Variants in CPOX observed in about 807,000 individuals in gnomAD.
CPOX encodes the protein oxygen-dependent coproporphyrinogen-III oxidase, mitochondrial.
Under a neutral mutation model 48.9 loss-of-function variants are expected in CPOX, and 24 were observed. The ratio of observed to expected loss-of-function variants is 0.49; its 90% CI spans 0.36 to 0.69. CPOX has a LOEUF of 0.69. Among genes scored for constraint, CPOX ranks in the 30% least tolerant of loss-of-function variants. The pLI, the probability that CPOX is intolerant of heterozygous loss-of-function variation, is 0.00. For synonymous variants in CPOX, 249 were observed against 234.6 expected, an observed-to-expected ratio of 1.06 and a Z score of -0.56; for missense variants, 549 against 597.3, an observed-to-expected ratio of 0.92 and a Z score of 0.84.
downstream of CPOX, among the ~76,000 whole-genome samples, chr3:98,577,975 G>A (rs1377297760): frequency 6.6e-6 from 1 of 152,212 alleles, no homozygotes; most frequent in Non-Finnish European, 1.5e-5. Context: ...CTGACTAGGA[G>A]GGTCAGCAGA....
chr3:98,584,214 G>A (rs1707314225), intron 5 of CPOX, among the ~76,000 whole-genome samples: 1 of 152,152 alleles, frequency 6.6e-6, no homozygotes, highest in South Asian at 2.1e-4. Flanking sequence ...GTTCTAAATT[G>A]TCCTCTTGGG....
chr3:98,580,240 C>A lies in CPOX; in HGVS notation c.*443G>T, dbSNP rs1269892298. Reference sequence around the variant, plus strand: ...AAGTAAAATTTTTACCTTCAAGTTGCATTCTAAAATTACTATGAAGTCTCA... The same window carrying A: ...AAGTAAAATTTTTACCTTCAAGTTGAATTCTAAAATTACTATGAAGTCTCA... On this transcript the variant is annotated 3_prime_UTR_variant, in exon 7 of 7. Coordinates refer to ENST00000647941, the MANE Select transcript of CPOX (RefSeq NM_000097.7). 2 of 992,538 alleles carry A rather than the reference C, an allele frequency of 2.0e-6. No individual in the cohort carries two copies. Among genetic ancestry groups the A allele is most frequent in the East Asian group, 2.2e-4 (2 of 9,110 alleles). The allele number at this position is 992,538 out of a possible 1,614,324, so 61.5% of individuals were successfully genotyped here.
intron 3 of CPOX, 111 bp from the exon 4 acceptor site, chr3:98,588,965 C>A: frequency 1.6e-6 from 2 of 1,269,378 alleles, no homozygotes; most frequent in East Asian, 2.5e-5. Flanking sequence ...AAATGGATGA[C>A]AATAAAAAAA....
In CPOX at chr3:98,593,149, T is replaced by C. The variant is rs1707514740; in HGVS notation, c.356A>G (p.Glu119Gly). 6.2e-7 allele frequency: 1 copy of C among 1,612,254 alleles called. No individual in the cohort carries two copies. The highest frequency in any genetic ancestry group is 1.1e-5 in the South Asian group (1 of 90,938). Residue 119 changes from glutamate (E) to glycine (G), a missense_variant, in exon 1 of 7, where the codon GAG becomes GGG. By Grantham distance (98) the Glu-to-Gly change is moderately conservative (BLOSUM62 -2). Coordinates refer to ENST00000647941, the MANE Select transcript of CPOX (RefSeq NM_000097.7). ...RATSLGRPEEEEDELAHRCSS... is the reference protein window; with the variant it reads ...RATSLGRPEEGEDELAHRCSS... ...GCAGCGGTGGGCCAGCTCATCCTCC[T>C]CCTCCTCCGGCCTCCCCAGCGAAGT...
In CPOX at chr3:98,593,354, G is replaced by A. The variant is rs1345695139; in HGVS notation, c.151C>T (p.Pro51Ser). The A allele has an allele frequency of 3.7e-6, 5 of 1,341,092 alleles. No individual in the cohort carries two copies. In the Admixed American group the frequency reaches 1.6e-4, roughly 44 times the overall value. 83.1% of individuals were successfully genotyped at this position (1,341,092 alleles called of 1,614,324 possible). ...CTCTGCTCCGTGCCAGCCGGGCCAG[G>A]GGGCCGGCAGACGCGTCCGGCTGCG... ...RSAAGRVCRPPGPAGTEQSRG... is the reference protein window; with the variant it reads ...RSAAGRVCRPSGPAGTEQSRG... Residue 51 changes from proline to serine, a missense_variant, in exon 1 of 7, where the codon CCT becomes TCT. Physicochemically the swap from Pro to Ser is moderately conservative, Grantham distance 74. Transcript: ENST00000647941.
At position 98,580,182 on chromosome 3, in the gene CPOX, A is replaced by G; in HGVS notation, c.*501T>C. On this transcript the variant is annotated 3_prime_UTR_variant, in exon 7 of 7. Transcript: ENST00000647941. ...TATTATGTTCTCTGGAGAAAGATAT[A>G]TAAGGATTACAGCAGAGACTTCAGT... is the stretch of plus-strand genomic sequence containing the variant. The G allele has an allele frequency of 1.0e-6, 1 of 986,636 alleles. No homozygotes were observed. The highest frequency in any genetic ancestry group is 1.2e-6 in the Non-Finnish European group (1 of 829,898). The allele number at this position is 986,636 out of a possible 1,614,324, so 61.1% of individuals were successfully genotyped here. A position where few individuals can be genotyped will look rare whatever the true frequency, so the allele number is the denominator to read the frequency against.
downstream of CPOX, chr3:98,579,378 G>C: frequency 2.0e-6 from 1 of 509,738 alleles, no homozygotes; most frequent in Non-Finnish European, 2.5e-6. Flanking sequence ...GTTGTTCAAG[G>C]ATCAACTGTA....
At chr3:98,585,911 C>T in intron 4 of CPOX, 1 of 402,852 alleles carries the variant, frequency 2.5e-6, no homozygotes, top group Admixed American at 3.5e-5. Context: ...CTTGCTCTGT[C>T]CCCCACGCTG....
chr3:98,591,229 T>C, intron 1 of CPOX, 74 bp from the exon 2 acceptor site: 1 of 1,534,824 alleles, frequency 6.5e-7, no homozygotes, highest in Non-Finnish European at 9.0e-7. Flanking sequence ...TGCATGAAGA[T>C]GGTTATTTTC....
rs979632400 is a variant in CPOX, at chr3:98,593,360, G to A, written c.145C>T (p.Arg49Trp). The A allele has an allele frequency of 1.5e-6, 2 of 1,339,986 alleles. No homozygotes were observed. Among genetic ancestry groups the A allele is most frequent in the Admixed American group, 4.1e-5 (1 of 24,342 alleles). The allele number at this position is 1,339,986 out of a possible 1,614,324, so 83.0% of individuals were successfully genotyped here. ...TCCGTGCCAGCCGGGCCAGGGGGCC[G>A]GCAGACGCGTCCGGCTGCGCTGCGC... ...SQRSAAGRVC[R>W]PPGPAGTEQS... Residue 49 changes from arginine to tryptophan, a missense_variant, in exon 1 of 7, where the codon CGG becomes TGG. Physicochemically the swap from Arg to Trp is moderately radical, Grantham distance 101. Around this residue, in one of 2 missense-constraint regions of CPOX, gnomAD observed 336 missense variants for 318.1 expected, o/e 1.06. Transcript: ENST00000647941.
At chr3:98,587,125 G>A (rs886785017) in intron 4 of CPOX, among the ~76,000 whole-genome samples, 3 of 151,992 alleles carry the variant, frequency 2.0e-5, no homozygotes, top group African/African-American at 7.3e-5. Flanking sequence ...CTTAAATACA[G>A]CTTCAATTGC....
intron 2 of CPOX, 131 bp from the exon 3 acceptor site, chr3:98,590,873 T>C: frequency 8.0e-7 from 1 of 1,256,340 alleles, no homozygotes; most frequent in African/African-American, 1.5e-5. Flanking sequence ...AAACATAATT[T>C]TAAAAAAGTA....
At chr3:98,591,205 C>A (rs1313210972) in intron 1 of CPOX, 50 bp from the exon 2 acceptor site, 1 of 1,594,402 alleles carries the variant, frequency 6.3e-7, no homozygotes, top group Non-Finnish European at 8.6e-7. Flanking sequence ...ATGTGCAAAA[C>A]TGAAAGCAAC....
downstream of CPOX, among the ~76,000 whole-genome samples, chr3:98,578,537 C>T (rs1401057874): frequency 1.3e-5 from 2 of 152,130 alleles, no homozygotes; most frequent in Non-Finnish European, 2.9e-5. Flanking sequence ...AGTCTAGTAA[C>T]CATCACAATC....
intron 3 of CPOX, chr3:98,589,646 T>A (rs1425126826): frequency 6.6e-6 from 1 of 152,260 alleles, no homozygotes; most frequent in Non-Finnish European, 1.5e-5. Flanking sequence ...TAAAAACACT[T>A]GCTGAGGTAA....
chr3:98,590,526 C>T (rs1707458165), intron 3 of CPOX, 106 bp downstream of exon 3: 4 of 826,382 alleles, frequency 4.8e-6, no homozygotes, highest in Admixed American at 1.9e-5. Context: ...TCCTGAAAGA[C>T]CTAATTAAGA....
At chr3:98,580,800 C>T (rs767808327) in intron 6 of CPOX, 30 bp from the exon 7 acceptor site, 18 of 1,609,700 alleles carry the variant, frequency 1.1e-5, no homozygotes, top group East Asian at 2.2e-5. Flanking sequence ...AAGCAAAAAA[C>T]GTCATAAAAA....
At chr3:98,574,519 A>T (rs535274737), downstream of CPOX, among the ~76,000 whole-genome samples, 17 of 152,364 alleles carry the variant, frequency 1.1e-4, no homozygotes, top group African/African-American at 3.8e-4. Flanking sequence ...ATAGCACATA[A>T]GATCAAGTAC....
intron 6 of CPOX, among the ~76,000 whole-genome samples, 156 bp from the exon 7 acceptor site, chr3:98,580,926 T>C (rs1707247454): frequency 6.6e-6 from 1 of 152,082 alleles, no homozygotes; most frequent in Admixed American, 6.5e-5. Context: ...TGTACCAACT[T>C]GACCTTTAAA....
Sources: gnomAD v4.1 joint callset for allele counts (sites outside exome capture counted in the v4.1 genomes callset) on GRCh38, gnomAD v4.1.1 for gene constraint, gnomAD v4.1.1 regional missense constraint, MANE v1.5 for transcripts, NCBI Gene and HGNC (gene_info 2026-07-23, HGNC 2026-07-21) for gene names.